PTPRS: variants seen among roughly 807,000 people sequenced by gnomAD.
PTPRS encodes protein tyrosine phosphatase receptor type S.
In PTPRS, 63 loss-of-function variants were observed where a neutral mutation model predicts 215.3. The observed-to-expected ratio is 0.29, with a 90% CI of 0.24 to 0.36. The LOEUF (loss-of-function observed/expected upper bound fraction) is 0.36, where lower values mean the gene tolerates loss of function less well. PTPRS is among the 10% of genes least tolerant of loss of function. The probability of loss-of-function intolerance (pLI) is 1.00; values close to 1 mark genes in which losing one functional copy is unlikely to be tolerated. For missense variants in PTPRS, 2,258 were observed against 2,825.8 expected, an observed-to-expected ratio of 0.80 and a Z score of 4.56; for synonymous variants, 1,404 against 1,191.4, an observed-to-expected ratio of 1.18 and a Z score of -3.68.
Position 5,244,324 on chromosome 19 carries a change from T to G in PTPRS, c.1147A>C (p.Thr383Pro). 6.2e-7 allele frequency: 1 copy of G among 1,614,198 alleles called. No homozygotes were observed. Among genetic ancestry groups the G allele is most frequent in the Non-Finnish European group, 8.5e-7 (1 of 1,180,032 alleles). The change falls in exon 11 of 38, where the codon ACC (threonine) becomes CCC (proline). Residue 383 changes from threonine to proline, a missense_variant. Coordinates refer to ENST00000262963, the MANE Select transcript of PTPRS (RefSeq NM_002850.4). The surrounding 1 kb of genome is among the most constrained non-coding windows in gnomAD (Gnocchi z 7.2). The stretch of plus-strand genomic sequence containing the variant: ...CCGCCGATGCTGTAACGTGTGGTGG[T>G]GATGTCCTCTTTAATCTGATACGGC... ...DGPYQIKEDI[T>P]TTRYSIGGLS...
chr19:5,253,605 G>A (rs187592746), intron 9 of PTPRS, among the ~76,000 whole-genome samples: 165 of 152,310 alleles, frequency 1.1e-3, no homozygotes, highest in African/African-American at 3.9e-3. Flanking sequence ...TGATCTCATG[G>A]GGATGGGGCT....
chr19:5,277,712 C>T (rs2047508581), intron 2 of PTPRS: 2 of 610,976 alleles, frequency 3.3e-6, no homozygotes, highest in Middle Eastern at 3.2e-4. Context: ...AAGGAGGTGG[C>T]AGCCGTCTCC....
At chr19:5,207,861 G>A in intron 37 of PTPRS, 61 bp downstream of exon 37, 1 of 1,588,942 alleles carries the variant, frequency 6.3e-7, no homozygotes. Flanking sequence ...GGAGGAAACT[G>A]GAGCTTAGGG....
chr19:5,278,854 G>A lies in PTPRS; in HGVS notation c.92-4510C>T, dbSNP rs1308530620. Among the ~76,000 whole-genome samples the A allele has an allele frequency of 2.6e-5, 4 of 151,952 alleles. No individual in the cohort carries two copies. The East Asian group carries it at 7.7e-4, about 29-fold the overall frequency. ...ATGGAGGAGGTGTGTATAAGCAAGA[G>A]GTAATAAAGTGTCGCAAATGGTACC... On this transcript the variant is annotated intron_variant, in intron 2 of 37. Transcript: ENST00000262963.
intron 1 of PTPRS, among the ~76,000 whole-genome samples, chr19:5,330,614 G>A (rs1258224845): frequency 1.3e-5 from 2 of 152,182 alleles, no homozygotes; most frequent in Non-Finnish European, 2.9e-5. Context: ...TGACACCACT[G>A]AATTCCCAGT....
chr19:5,268,175 AAAT>A (rs2046589571), intron 4 of PTPRS, among the ~76,000 whole-genome samples: 1 of 123,668 alleles, frequency 8.1e-6, no homozygotes, highest in Non-Finnish European at 1.8e-5. Flanking sequence ...ATCTCAAAAT[AAAT>A]AAATAAATAA....
chr19:5,265,178 C>T lies in PTPRS; in HGVS notation c.398G>A (p.Gly133Asp), dbSNP rs1353833193. 6.2e-7 allele frequency: 1 copy of T among 1,613,644 alleles called. No homozygotes were observed. The highest frequency in any genetic ancestry group is 8.5e-7 in the Non-Finnish European group (1 of 1,179,820). Residue 133 changes from glycine (G) to aspartate (D), a missense_variant, in exon 5 of 38, where the codon GGC becomes GAC. By Grantham distance (94) the Gly-to-Asp change is moderately conservative (BLOSUM62 -1). Coordinates refer to ENST00000262963, the MANE Select transcript of PTPRS (RefSeq NM_002850.4). ...TGGGCCCATGTCGATGTTGGGGAAG[C>T]CAGAGGGCAGCTGGTCCTCTGAGGG... is the stretch of plus-strand genomic sequence containing the variant. ...TVLREDQLPSGFPNIDMGPQL... is the reference protein window; with the variant it reads ...TVLREDQLPSDFPNIDMGPQL...
In PTPRS at chr19:5,237,091, G is replaced by A. The variant is rs994384154; in HGVS notation, c.1849+1828C>T. On this transcript the variant is annotated intron_variant, in intron 13 of 37. Coordinates refer to ENST00000262963, the MANE Select transcript of PTPRS (RefSeq NM_002850.4). This position sits in a 1 kb window ranked among gnomAD's most constrained non-coding sequence, Gnocchi z 4.2. ...CTTTCTTACGAGAGAGGGAACGGCCGAGCGCTGAGCTACAAGGCCAGACCG... is the reference window on the plus strand; with the variant it reads ...CTTTCTTACGAGAGAGGGAACGGCCAAGCGCTGAGCTACAAGGCCAGACCG... Among the ~76,000 whole-genome samples the A allele has an allele frequency of 7.2e-5, 11 of 152,144 alleles. No individual in the cohort carries two copies. The highest frequency in any genetic ancestry group is 2.1e-4 in the South Asian group (1 of 4,822).
intron 1 of PTPRS, among the ~76,000 whole-genome samples, chr19:5,321,838 G>T (rs1276114363): frequency 1.3e-5 from 2 of 151,876 alleles, no homozygotes; most frequent in Non-Finnish European, 2.9e-5. Flanking sequence ...TTTACAAACA[G>T]GTAAACCGAG....
At chr19:5,331,582 A>C (rs905006790) in intron 1 of PTPRS, among the ~76,000 whole-genome samples, 1 of 152,150 alleles carries the variant, frequency 6.6e-6, no homozygotes, top group Non-Finnish European at 1.5e-5. Flanking sequence ...ATGACACCCA[A>C]AAATGTCCCC....
chr19:5,300,808 G>A (rs559978175), intron 1 of PTPRS, among the ~76,000 whole-genome samples: 25 of 150,518 alleles, frequency 1.7e-4, no homozygotes, highest in Non-Finnish European at 3.0e-4. Context: ...AAGAAAAAGC[G>A]GTAAAATATA....
chr19:5,291,006 C>A (rs997080056), intron 1 of PTPRS, among the ~76,000 whole-genome samples: 1 of 152,102 alleles, frequency 6.6e-6, no homozygotes, highest in Non-Finnish European at 1.5e-5. Context: ...AGCCACTGTC[C>A]CTCCCAGGGC....
chr19:5,257,898 AGGG>A lies in PTPRS; in HGVS notation c.706+116_706+118del. On this transcript the variant is annotated intron_variant, in intron 8 of 37. Coordinates refer to ENST00000262963, the MANE Select transcript of PTPRS (RefSeq NM_002850.4). This position sits in a 1 kb window ranked among gnomAD's most constrained non-coding sequence, Gnocchi z 4.4. ...GGCCAAGGTCCCACCGCGACCGGGG[AGGG>A]GCCTTCCTGCTTGGGTGTGCAGGGG... The A allele has an allele frequency of 1.3e-6, 1 of 791,322 alleles. No homozygotes were observed. The highest frequency in any genetic ancestry group is 1.7e-5 in the South Asian group (1 of 57,992). 49.0% of individuals were successfully genotyped at this position (791,322 alleles called of 1,614,324 possible).
intron 5 of PTPRS, 54 bp from the exon 6 acceptor site, chr19:5,263,026 GT>G (rs761876904): frequency 7.1e-6 from 8 of 1,121,398 alleles, no homozygotes; most frequent in Middle Eastern, 2.3e-4. Flanking sequence ...TTAACGGGTG[GT>G]TACAAAGAAT....
chr19:5,330,248 C>G (rs1218958617), intron 1 of PTPRS, among the ~76,000 whole-genome samples: 1 of 152,112 alleles, frequency 6.6e-6, no homozygotes, highest in Admixed American at 6.6e-5. Flanking sequence ...CCAGAAACAA[C>G]GCCTCTGTAA....
At chr19:5,317,853 T>G (rs1293965136) in intron 1 of PTPRS, among the ~76,000 whole-genome samples, 1 of 151,840 alleles carries the variant, frequency 6.6e-6, no homozygotes, top group African/African-American at 2.4e-5. Context: ...CTGGCCAACA[T>G]GGTGAAACCC....
chr19:5,244,080 T>A lies in PTPRS; in HGVS notation c.1391A>T (p.Tyr464Phe). The A allele has an allele frequency of 6.2e-7, 1 of 1,610,716 alleles. No individual in the cohort carries two copies. The highest frequency in any genetic ancestry group is 8.5e-7 in the Non-Finnish European group (1 of 1,179,802). The change falls in exon 11 of 38, where the codon TAC (tyrosine) becomes TTC (phenylalanine). Residue 464 changes from tyrosine (Y) to phenylalanine (F), a missense_variant. This residue lies in a region of PTPRS where 508 missense variants were observed against 799.4 expected (regional missense o/e 0.64). Coordinates refer to ENST00000262963, the MANE Select transcript of PTPRS (RefSeq NM_002850.4). This position sits in a 1 kb window ranked among gnomAD's most constrained non-coding sequence, Gnocchi z 7.2. ...NGLIRGYRVY[Y>F]TMEPEHPVGN... The stretch of plus-strand genomic sequence containing the variant: ...CACGGGGTGCTCCGGTTCCATGGTG[T>A]AGTAGACGCGGTAGCCGCGGATCAG...
chr19:5,239,208 G>A, intron 12 of PTPRS, 145 bp from the exon 13 acceptor site: 1 of 636,686 alleles, frequency 1.6e-6, no homozygotes, highest in South Asian at 1.9e-5. Context: ...AGAGACAGGG[G>A]TGCGGCAGAG....
Position 5,244,759 on chromosome 19 carries a change from T to A in PTPRS, c.989-277A>T, listed in dbSNP as rs2044322324. Among the ~76,000 whole-genome samples, 1 of 152,144 alleles carries A rather than the reference T, an allele frequency of 6.6e-6. No individual in the cohort carries two copies. ...ATCTCGGCTCACTGCAAGCTCCGTC[T>A]CCCGGGTTCACACAATTCTCCTGCC... On this transcript the variant is annotated intron_variant, in intron 10 of 37. Coordinates refer to ENST00000262963, the MANE Select transcript of PTPRS (RefSeq NM_002850.4). This position sits in a 1 kb window ranked among gnomAD's most constrained non-coding sequence, Gnocchi z 7.2.
Sources: allele counts gnomAD v4.1 joint callset (sites outside exome capture counted in the v4.1 genomes callset), GRCh38; gene constraint gnomAD v4.1.1; regional missense constraint gnomAD v4.1.1; non-coding constraint Gnocchi (gnomAD v3.1); transcripts MANE v1.5; gene names NCBI Gene and HGNC (gene_info 2026-07-23, HGNC 2026-07-21).